NID1: variants seen among roughly 807,000 people sequenced by gnomAD.
NID1 encodes the protein nidogen-1.
NID1 carries 76 observed loss-of-function variants against 130.6 expected under a neutral mutation model. That is an observed-to-expected ratio of 0.58 (90% CI 0.48 to 0.70). The LOEUF is 0.70. NID1 is among the 30% of genes least tolerant of loss of function. The pLI is 0.00. For synonymous variants in NID1, 665 were observed against 675.1 expected (o/e 0.98, Z 0.23); for missense variants, 1,517 against 1,664.8 (o/e 0.91, Z 1.54).
chr1:236,045,421 A>T (rs374821032), intron 3 of NID1, 36 bp downstream of exon 3: 1 of 1,415,766 alleles, frequency 7.1e-7, no homozygotes, highest in Non-Finnish European at 1.0e-6. Flanking sequence ...AAAAAATATT[A>T]AGAGGAGAAT....
intron 9 of NID1, among the ~76,000 whole-genome samples, chr1:236,021,480 C>G (rs541223435): frequency 2.0e-5 from 3 of 152,318 alleles, no homozygotes; most frequent in African/African-American, 4.8e-5. Flanking sequence ...CACTATGAAG[C>G]CAACACCGCG....
intron 7 of NID1, among the ~76,000 whole-genome samples, chr1:236,027,313 G>C (rs1455660467): frequency 6.6e-6 from 1 of 152,034 alleles, no homozygotes; most frequent in African/African-American, 2.4e-5. Flanking sequence ...CTCCATAATA[G>C]AAGCATAAAA....
chr1:235,997,602 T>TA (rs1491139145), intron 12 of NID1, among the ~76,000 whole-genome samples: 1 of 77,746 alleles, frequency 1.3e-5, no homozygotes, highest in East Asian at 1.8e-3. Context: ...GTTCCATTAC[T>TA]TTTTTTTTTT....
chr1:235,980,033 G>A, intron 17 of NID1, 88 bp from the exon 18 acceptor site: 4 of 1,436,088 alleles, frequency 2.8e-6, no homozygotes, highest in Non-Finnish European at 3.9e-6. Context: ...GGGCAAGAGT[G>A]GGAGAAATTA....
chr1:235,987,653 T>C (rs1055668360), intron 14 of NID1, among the ~76,000 whole-genome samples: 24 of 152,154 alleles, frequency 1.6e-4, no homozygotes, highest in Non-Finnish European at 2.5e-4. Flanking sequence ...CTGGAAACTA[T>C]TGAAACACTG....
rs1366011583 is a variant in NID1 at position 235,977,132 on chromosome 1, C to T, written c.*735G>A. 1 of 152,208 alleles carries T rather than the reference C, an allele frequency of 6.6e-6. No homozygotes were observed. The highest frequency in any genetic ancestry group is 1.5e-5 in the Non-Finnish European group (1 of 68,038). The allele number at this position is 152,208 out of a possible 1,614,324, so 9.4% of individuals were successfully genotyped here. ...ACACCTTGAAATTCCTACCATTGGA[C>T]ATTCTTTTGATTTAAGCCTTTAACT... On this transcript the variant is annotated 3_prime_UTR_variant, in exon 20 of 20. Coordinates refer to ENST00000264187, the MANE Select transcript of NID1 (RefSeq NM_002508.3).
At chr1:236,017,760 C>A (rs1658645070) in intron 9 of NID1, among the ~76,000 whole-genome samples, 1 of 152,168 alleles carries the variant, frequency 6.6e-6, no homozygotes, top group Non-Finnish European at 1.5e-5. Flanking sequence ...GAGTGATCCC[C>A]ATGCCTTTCT....
At chr1:236,051,936 G>A (rs1174428509) in intron 1 of NID1, among the ~76,000 whole-genome samples, 1 of 152,212 alleles carries the variant, frequency 6.6e-6, no homozygotes, top group East Asian at 1.9e-4. Context: ...TCAGGTTTTA[G>A]GACAAATGTC....
At chr1:236,036,625 G>C (rs1001436170) in intron 5 of NID1, among the ~76,000 whole-genome samples, 2 of 152,236 alleles carry the variant, frequency 1.3e-5, no homozygotes, top group Non-Finnish European at 2.9e-5. Flanking sequence ...CAATGTGATA[G>C]CATTTAGAAA....
intron 3 of NID1, 84 bp downstream of exon 3, chr1:236,045,373 A>G (rs1659570190): frequency 2.1e-6 from 2 of 933,684 alleles, no homozygotes; most frequent in African/African-American, 1.7e-5. Flanking sequence ...GAACATTTTT[A>G]GGTAATGATC....
At chr1:235,992,885 G>T (rs1657798020) in intron 13 of NID1, among the ~76,000 whole-genome samples, 1 of 152,218 alleles carries the variant, frequency 6.6e-6, no homozygotes, top group African/African-American at 2.4e-5. Flanking sequence ...GGTAGTTTGT[G>T]ACAATAACCA....
chr1:236,027,624 T>C (rs112855654), intron 7 of NID1, among the ~76,000 whole-genome samples: 1 of 152,056 alleles, frequency 6.6e-6, no homozygotes, highest in East Asian at 1.9e-4. Flanking sequence ...AGGTCAGGAG[T>C]TCGAGACCAG....
chr1:236,041,093 G>C (rs1212100601), intron 4 of NID1, among the ~76,000 whole-genome samples: 5 of 151,986 alleles, frequency 3.3e-5, no homozygotes, highest in African/African-American at 1.2e-4. Flanking sequence ...TTTCGAGGCA[G>C]AGACTCACTC....
rs116569743 is a variant in NID1, at chr1:235,999,066, C to T, written c.2528-5194G>A. 5.1e-3 allele frequency among the ~76,000 whole-genome samples: 770 copies of T among 152,296 alleles called. 12 individuals carry two copies. The highest frequency in any genetic ancestry group is 0.018 in the African/African-American group (749 of 41,548). On this transcript the variant is annotated intron_variant, in intron 12 of 19. Transcript: ENST00000264187. ...CGGCTCCCTCACATTGAACCTGTTA[C>T]GACAACAGCGATGTACACACAGTAC...
intron 1 of NID1, among the ~76,000 whole-genome samples, chr1:236,058,093 T>C (rs868093795): frequency 6.6e-6 from 1 of 152,218 alleles, no homozygotes; most frequent in Non-Finnish European, 1.5e-5. Flanking sequence ...AATGTAATAT[T>C]ATCATCTTAA....
intron 9 of NID1, among the ~76,000 whole-genome samples, chr1:236,017,529 G>A (rs145454658): frequency 9.9e-5 from 15 of 151,902 alleles, no homozygotes; most frequent in Non-Finnish European, 1.3e-4. Flanking sequence ...GGGATTACAC[G>A]TGTGTGCCAC....
At chr1:236,017,816 T>C (rs987724181) in intron 9 of NID1, among the ~76,000 whole-genome samples, 4 of 152,238 alleles carry the variant, frequency 2.6e-5, no homozygotes, top group Admixed American at 6.5e-5. Context: ...AGTTAATTTC[T>C]GAGCCTGGGG....
chr1:236,050,169 A>G (rs1179090787), intron 1 of NID1, among the ~76,000 whole-genome samples: 1 of 152,248 alleles, frequency 6.6e-6, no homozygotes, highest in East Asian at 1.9e-4. Flanking sequence ...GAACCCACGG[A>G]GTCCGACTCC....
At chr1:235,987,351 T>C (rs78261107) in intron 14 of NID1, among the ~76,000 whole-genome samples, 309 of 152,376 alleles carry the variant, frequency 2.0e-3, no homozygotes, top group African/African-American at 7.0e-3. Context: ...CTTGTCGAGA[T>C]CTTTTGCAAA....
Sources: gnomAD v4.1 joint callset for allele counts (sites outside exome capture counted in the v4.1 genomes callset) on GRCh38, gnomAD v4.1.1 for gene constraint, MANE v1.5 for transcripts, NCBI Gene and HGNC (gene_info 2026-07-23, HGNC 2026-07-21) for gene names.